Variants in FAM151B observed in about 807,000 individuals in gnomAD.
FAM151B encodes the protein family with sequence similarity 151 member B.
A neutral mutation model predicts 31.2 loss-of-function variants in FAM151B; 24 were observed. The ratio of observed to expected loss-of-function variants is 0.77; its 90% CI spans 0.56 to 1.08. The LOEUF is 1.08. FAM151B is among the 50% of genes least tolerant of loss of function. The pLI is 0.00. For missense variants in FAM151B, 293 were observed against 328.6 expected (o/e 0.89, Z 0.84); for synonymous variants, 105 against 111.4 (o/e 0.94, Z 0.36).
chr5:80,488,484 T>A (rs1405265574), intron 1 of FAM151B, among the ~76,000 whole-genome samples: 2 of 152,252 alleles, frequency 1.3e-5, no homozygotes, highest in East Asian at 3.8e-4. Flanking sequence ...GGGGGCGGTC[T>A]GGGTCAGTAG....
intron 1 of FAM151B, chr5:80,495,424 A>G (rs914454224): frequency 1.3e-5 from 2 of 152,224 alleles, no homozygotes; most frequent in Admixed American, 1.3e-4. Flanking sequence ...TAATGGGAGA[A>G]GGTAAAAATA....
chr5:80,519,188 A>G (rs1217965004), intron 3 of FAM151B, among the ~76,000 whole-genome samples: 1 of 152,216 alleles, frequency 6.6e-6, no homozygotes, highest in African/African-American at 2.4e-5. Context: ...AGAATTGTTT[A>G]TGTATCCAAA....
In FAM151B at chr5:80,500,189, TA is replaced by T. The variant is rs1024842444; in HGVS notation, c.26-1594del. ...TGTATGATCTCACTTATATGTGGAATAAAAAAAAATCAAATATAACAGAAAT... is the reference window on the plus strand; with the variant it reads ...TGTATGATCTCACTTATATGTGGAATAAAAAAAATCAAATATAACAGAAAT... On this transcript the variant is annotated intron_variant, in intron 1 of 5. Coordinates refer to ENST00000282226, the MANE Select transcript of FAM151B (RefSeq NM_205548.3). The T allele has an allele frequency of 4.6e-4, 221 of 479,296 alleles. 1 individual carries two copies. Among genetic ancestry groups the T allele is most frequent in the Middle Eastern group, 5.9e-4 (1 of 1,692 alleles). The allele number at this position is 479,296 out of a possible 1,614,324, so 29.7% of individuals were successfully genotyped here. A position where few individuals can be genotyped will look rare whatever the true frequency, so the allele number is the denominator to read the frequency against.
intron 2 of FAM151B, among the ~76,000 whole-genome samples, chr5:80,504,745 C>T (rs1224177391): frequency 2.6e-5 from 4 of 152,020 alleles, no homozygotes; most frequent in Admixed American, 6.6e-5. Context: ...GTCTCCATCT[C>T]CTGATCTCCT....
chr5:80,534,311 A>G (rs532916691), intron 5 of FAM151B, among the ~76,000 whole-genome samples: 2 of 152,074 alleles, frequency 1.3e-5, no homozygotes, highest in Non-Finnish European at 2.9e-5. Context: ...TAAAAAAAAA[A>G]CCTACAAATC....
rs761044598 is a variant in FAM151B at position 80,541,719 on chromosome 5, G to A, written c.718G>A (p.Glu240Lys). ...TGGAAAAAATGATAACTATTCCGTTGAAGATTTACTTTACATTAGAGACCA... is the reference window on the plus strand; with the variant it reads ...TGGAAAAAATGATAACTATTCCGTTAAAGATTTACTTTACATTAGAGACCA... ...WTGKNDNYSV[E>K]DLLYIRDHFD... The change falls in exon 6 of 6, where the codon GAA (glutamate) becomes AAA (lysine). Residue 240 changes from glutamate (E) to lysine (K), a missense_variant. Transcript: ENST00000282226. 6.2e-7 allele frequency: 1 copy of A among 1,613,658 alleles called. No individual in the cohort carries two copies. The highest frequency in any genetic ancestry group is 1.7e-5 in the Admixed American group (1 of 59,992).
chr5:80,500,859 A>G, intron 1 of FAM151B: 3 of 1,013,064 alleles, frequency 3.0e-6, no homozygotes, highest in Non-Finnish European at 4.6e-6. Flanking sequence ...TGATTGTTCC[A>G]TCTCTTGGTA....
At chr5:80,490,752 C>T (rs1223510090) in intron 1 of FAM151B, among the ~76,000 whole-genome samples, 1 of 152,162 alleles carries the variant, frequency 6.6e-6, no homozygotes, top group Non-Finnish European at 1.5e-5. Context: ...TACTTCATTC[C>T]TTTTTATGGC....
At position 80,501,872 on chromosome 5, in the gene FAM151B, TATC is replaced by T; in HGVS notation, c.109_111del (p.His37del). On this transcript the variant is annotated inframe_deletion, in exon 2 of 6. Coordinates refer to ENST00000282226, the MANE Select transcript of FAM151B (RefSeq NM_205548.3). ...AGAAGACGGTGCTGAGATCACCTGGTATCATGCAGCTAACCACAAGGCACAAAC... is the reference window on the plus strand; with the variant it reads ...AGAAGACGGTGCTGAGATCACCTGGTATGCAGCTAACCACAAGGCACAAAC... The T allele has an allele frequency of 1.9e-6, 3 of 1,605,676 alleles. No homozygotes were observed. The highest frequency in any genetic ancestry group is 2.6e-6 in the Non-Finnish European group (3 of 1,174,912).
chr5:80,499,681 T>C (rs562337572), intron 1 of FAM151B, among the ~76,000 whole-genome samples: 1 of 151,908 alleles, frequency 6.6e-6, no homozygotes, highest in South Asian at 2.1e-4. Flanking sequence ...GCTTCTGATG[T>C]TCAGACTATC....
At chr5:80,513,003 G>A (rs1744251433) in intron 2 of FAM151B, among the ~76,000 whole-genome samples, 1 of 152,072 alleles carries the variant, frequency 6.6e-6, no homozygotes, top group African/African-American at 2.4e-5. Context: ...AGCTGAAGAG[G>A]CAGGGAAGAG....
rs1436242137 is a variant in FAM151B, at chr5:80,523,522, A to G, written c.671+1384A>G. Reference sequence around the variant, plus strand: ...ACATAAGCACAGAGACATAGGTACAAGGATATTCTGGAAGCATCGTTTGTA... The same window carrying G: ...ACATAAGCACAGAGACATAGGTACAGGGATATTCTGGAAGCATCGTTTGTA... On this transcript the variant is annotated intron_variant, in intron 5 of 5. Coordinates refer to ENST00000282226, the MANE Select transcript of FAM151B (RefSeq NM_205548.3). 3.3e-5 allele frequency among the ~76,000 whole-genome samples: 5 copies of G among 152,314 alleles called. No homozygotes were observed. The South Asian group carries it at 6.2e-4, about 19-fold the overall frequency.
At chr5:80,488,215 C>T in intron 1 of FAM151B, 67 bp downstream of exon 1, 1 of 1,501,396 alleles carries the variant, frequency 6.7e-7, no homozygotes. Flanking sequence ...CGGCCGTACC[C>T]TCCCTTTGCG....
chr5:80,501,382 CT>C, intron 1 of FAM151B: 1 of 1,159,110 alleles, frequency 8.6e-7, no homozygotes, highest in Non-Finnish European at 1.2e-6. Flanking sequence ...GATCAACAGG[CT>C]TACTAGAAGA....
In FAM151B at chr5:80,524,611, G is replaced by A. The variant is rs185364482; in HGVS notation, c.671+2473G>A. ...TATCATTAGTTCTACAGACTTAGAGGTTCTTATATTGTTTGAGATAGGAAG... is the reference window on the plus strand; with the variant it reads ...TATCATTAGTTCTACAGACTTAGAGATTCTTATATTGTTTGAGATAGGAAG... On this transcript the variant is annotated intron_variant, in intron 5 of 5. Coordinates refer to ENST00000282226, the MANE Select transcript of FAM151B (RefSeq NM_205548.3). Among the ~76,000 whole-genome samples the A allele has an allele frequency of 1.5e-3, 233 of 152,114 alleles. 1 individual carries two copies. The highest frequency in any genetic ancestry group is 5.4e-3 in the African/African-American group (226 of 41,526).
chr5:80,513,925 T>A (rs1744300369), intron 3 of FAM151B, among the ~76,000 whole-genome samples, 156 bp downstream of exon 3: 1 of 152,202 alleles, frequency 6.6e-6, no homozygotes, highest in Non-Finnish European at 1.5e-5. Flanking sequence ...CTGAGTTATT[T>A]ACTAAAATTG....
intron 5 of FAM151B, 124 bp downstream of exon 5, chr5:80,522,262 A>G: frequency 9.6e-7 from 1 of 1,037,488 alleles, no homozygotes; most frequent in Non-Finnish European, 1.4e-6. Flanking sequence ...AGGAATGAAA[A>G]CTGATGATAT....
intron 1 of FAM151B, among the ~76,000 whole-genome samples, chr5:80,494,456 T>TTTCTTTCTTTCC (rs753640131): frequency 2.4e-5 from 2 of 82,688 alleles, no homozygotes; most frequent in African/African-American, 4.4e-5. Context: ...TCTTTCTTTC[T>TTTCTTTCTTTCC]TTTCTTTCTT....
At chr5:80,523,027 T>C (rs948714364) in intron 5 of FAM151B, among the ~76,000 whole-genome samples, 1 of 152,160 alleles carries the variant, frequency 6.6e-6, no homozygotes, top group African/African-American at 2.4e-5. Context: ...ACAGGCTATG[T>C]AGGAAAAACA....
Sources: allele counts gnomAD v4.1 joint callset (sites outside exome capture counted in the v4.1 genomes callset), GRCh38; gene constraint gnomAD v4.1.1; transcripts MANE v1.5; gene names NCBI Gene and HGNC (gene_info 2026-07-23, HGNC 2026-07-21).